Variants in MAGI2 observed in about 807,000 individuals in gnomAD.
The protein encoded by MAGI2 is membrane-associated guanylate kinase, WW and PDZ domain-containing protein 2.
A neutral mutation model predicts 133.3 loss-of-function variants in MAGI2; 35 were observed. That is an observed-to-expected ratio of 0.26 (90% confidence interval 0.20 to 0.35). The LOEUF is 0.35. MAGI2 is among the 10% of genes least tolerant of loss of function. The pLI is 1.00. For synonymous variants in MAGI2, 729 were observed against 710.6 expected (o/e 1.03, Z -0.41); for missense variants, 1,636 against 1,863.4 (o/e 0.88, Z 2.25).
intron 6 of MAGI2, among the ~76,000 whole-genome samples, chr7:78,454,084 C>T (rs941666995): frequency 1.3e-5 from 2 of 152,144 alleles, no homozygotes; most frequent in African/African-American, 4.8e-5. Context: ...CATGTCAGAG[C>T]TGTCACTGTA....
At chr7:79,298,959 G>A (rs909400404) in intron 1 of MAGI2, among the ~76,000 whole-genome samples, 15 of 152,104 alleles carry the variant, frequency 9.9e-5, no homozygotes, top group African/African-American at 3.1e-4. Context: ...CCAAAATTGT[G>A]AGAAAATAAA....
intron 2 of MAGI2, among the ~76,000 whole-genome samples, chr7:78,884,691 G>A (rs920535035): frequency 1.7e-4 from 26 of 152,116 alleles, no homozygotes; most frequent in Non-Finnish European, 3.2e-4. Flanking sequence ...CAAGGCCATG[G>A]AGAAAAGGGA....
intron 2 of MAGI2, among the ~76,000 whole-genome samples, chr7:78,870,987 A>G (rs1794981945): frequency 6.6e-6 from 1 of 152,128 alleles, no homozygotes; most frequent in Admixed American, 6.5e-5. Context: ...TATAAGTGGG[A>G]GCTAAGATAT....
intron 2 of MAGI2, among the ~76,000 whole-genome samples, chr7:78,848,846 C>T (rs961222012): frequency 6.6e-6 from 1 of 151,996 alleles, no homozygotes; most frequent in African/African-American, 2.4e-5. Context: ...TGTTTATTCT[C>T]TTATCTCTTA....
chr7:78,667,647 T>A (rs1265867024), intron 2 of MAGI2, among the ~76,000 whole-genome samples: 1 of 147,064 alleles, frequency 6.8e-6, no homozygotes, highest in Non-Finnish European at 1.5e-5. Context: ...AGTGTTTGGT[T>A]TTTTGTCCTT....
intron 2 of MAGI2, among the ~76,000 whole-genome samples, chr7:78,981,174 TTTATTA>T (rs1258163901): frequency 6.6e-6 from 1 of 151,250 alleles, no homozygotes; most frequent in African/African-American, 2.4e-5. Flanking sequence ...AAGAATTATA[TTTATTA>T]TTATTATTAC....
At chr7:78,495,525 T>C (rs759290214) in intron 5 of MAGI2, among the ~76,000 whole-genome samples, 5 of 152,204 alleles carry the variant, frequency 3.3e-5, no homozygotes, top group Non-Finnish European at 5.9e-5. Flanking sequence ...AAATAATTAC[T>C]AAAGGCAATG....
At chr7:79,451,213 G>A (rs1447172388) in intron 1 of MAGI2, among the ~76,000 whole-genome samples, 1 of 152,058 alleles carries the variant, frequency 6.6e-6, no homozygotes, top group Admixed American at 6.5e-5. Context: ...ACTATAATAG[G>A]GCATCCGTTT....
chr7:78,955,399 G>A (rs1802214513), intron 2 of MAGI2, among the ~76,000 whole-genome samples: 1 of 152,032 alleles, frequency 6.6e-6, no homozygotes, highest in South Asian at 2.1e-4. Flanking sequence ...GTACTCAAAT[G>A]CTGAGCATAT....
chr7:78,096,723 T>C (rs2151232403), intron 20 of MAGI2, among the ~76,000 whole-genome samples: 1 of 152,020 alleles, frequency 6.6e-6, no homozygotes, highest in East Asian at 1.9e-4. Context: ...TGCAGTAGAG[T>C]TGAGTAGTTA....
chr7:79,448,307 C>A (rs116622485), intron 1 of MAGI2, among the ~76,000 whole-genome samples: 3,053 of 151,916 alleles, frequency 0.02, 117 homozygotes, highest in African/African-American at 0.07. Flanking sequence ...TGCAAAAAAA[C>A]CTTAAAATAC....
chr7:79,107,541 T>A lies in MAGI2; in HGVS notation c.302-100335A>T, dbSNP rs1488187853. Among the ~76,000 whole-genome samples the A allele has an allele frequency of 1.3e-5, 2 of 152,190 alleles. 1 individual carries two copies. The highest frequency in any genetic ancestry group is 4.1e-4 in the South Asian group (2 of 4,838). On this transcript the variant is annotated intron_variant, in intron 1 of 21. Transcript: ENST00000354212. ...TGCACAAAAATTATGAGATAATAAA[T>A]TTGTGTTGTTGAAAACTGCTAAATC...
chr7:78,534,447 GTATATATGTGTGTGTTTGTA>G (rs1485191355), intron 3 of MAGI2, among the ~76,000 whole-genome samples: 3 of 152,304 alleles, frequency 2.0e-5, no homozygotes, highest in African/African-American at 7.2e-5. Flanking sequence ...ATATGGAAAT[GTATATATGTGTGTGTTTGTA>G]TATATATGTG....
chr7:78,749,852 C>T (rs1378779358), intron 2 of MAGI2, among the ~76,000 whole-genome samples: 2 of 152,120 alleles, frequency 1.3e-5, no homozygotes, highest in Non-Finnish European at 2.9e-5. Context: ...TTTATATAAA[C>T]AATTTTTCTT....
intron 3 of MAGI2, among the ~76,000 whole-genome samples, chr7:78,531,798 C>A (rs554028539): frequency 6.6e-6 from 1 of 152,156 alleles, no homozygotes; most frequent in Admixed American, 6.5e-5. Context: ...TATAAAATTG[C>A]GAAGAAATTA....
At chr7:79,069,967 G>A (rs1222065413) in intron 1 of MAGI2, among the ~76,000 whole-genome samples, 1 of 152,154 alleles carries the variant, frequency 6.6e-6, no homozygotes, top group Non-Finnish European at 1.5e-5. Flanking sequence ...TTTCTGACAA[G>A]AGATCTGCTG....
At chr7:79,352,656 AT>A (rs1483363398) in intron 1 of MAGI2, among the ~76,000 whole-genome samples, 1 of 152,310 alleles carries the variant, frequency 6.6e-6, no homozygotes, top group Non-Finnish European at 1.5e-5. Flanking sequence ...GTCAGGTAGA[AT>A]TTAATAAAAC....
At chr7:78,194,403 A>G (rs1023409528) in intron 12 of MAGI2, among the ~76,000 whole-genome samples, 1 of 152,184 alleles carries the variant, frequency 6.6e-6, no homozygotes, top group African/African-American at 2.4e-5. Flanking sequence ...TCAGTACTGC[A>G]TTCGAAACCA....
rs555764059 is a variant in MAGI2 at position 78,698,626 on chromosome 7, T to C, written c.419-71387A>G. ...CCTGTTCTCACACTGTTAATAAAGA[T>C]ATACCCCAAACTGGGTAATTTACAA... On this transcript the variant is annotated intron_variant, in intron 2 of 21. Coordinates refer to ENST00000354212, the MANE Select transcript of MAGI2 (RefSeq NM_012301.4). Among the ~76,000 whole-genome samples the C allele has an allele frequency of 1.8e-4, 28 of 152,318 alleles. No individual in the cohort carries two copies. The South Asian group carries it at 5.8e-3, about 32-fold the overall frequency.
Sources: gnomAD v4.1 joint callset for allele counts (sites outside exome capture counted in the v4.1 genomes callset) on GRCh38, gnomAD v4.1.1 for gene constraint, MANE v1.5 for transcripts, NCBI Gene and HGNC (gene_info 2026-07-23, HGNC 2026-07-21) for gene names.